Variants in GXYLT1 observed in about 807,000 individuals in gnomAD.
The protein encoded by GXYLT1 is glucoside xylosyltransferase 1, also known as glycosyltransferase 8 domain containing 3.
In GXYLT1, 29 loss-of-function variants were observed where a neutral mutation model predicts 54.0. The observed-to-expected ratio is 0.54, with a 90% CI of 0.40 to 0.73. The LOEUF (loss-of-function observed/expected upper bound fraction) is 0.73, where lower values mean the gene tolerates loss of function less well. Ranked by LOEUF, GXYLT1 falls within the 30% of genes least tolerant of loss-of-function variation. The pLI is 0.00. For synonymous variants in GXYLT1, 176 were observed against 204.1 expected, an observed-to-expected ratio of 0.86 and a Z score of 1.17; for missense variants, 490 against 553.4, an observed-to-expected ratio of 0.89 and a Z score of 1.15.
intron 3 of GXYLT1, among the ~76,000 whole-genome samples, chr12:42,112,025 AG>A (rs2065460392): frequency 6.6e-6 from 1 of 152,200 alleles, no homozygotes; most frequent in African/African-American, 2.4e-5. Context: ...CCAGGCAAAC[AG>A]GGTCTGGAGT....
rs1033726244 is a variant in GXYLT1 at position 42,082,651 on chromosome 12, T to A, written c.*5135A>T. On this transcript the variant is annotated 3_prime_UTR_variant, in exon 8 of 8. Transcript: ENST00000398675. ...ACACCACCACATCTGGATAATTTTT[T>A]AATTTTTTTGTAGAGATGGGGTCTC... 2.0e-5 allele frequency: 3 copies of A among 152,162 alleles called. No homozygotes were observed. Among genetic ancestry groups the A allele is most frequent in the East Asian group, 1.9e-4 (1 of 5,194 alleles). The allele number at this position is 152,162 out of a possible 1,614,324, so 9.4% of individuals were successfully genotyped here.
intron 2 of GXYLT1, among the ~76,000 whole-genome samples, chr12:42,124,475 A>G (rs1315400077): frequency 6.6e-5 from 10 of 152,176 alleles, no homozygotes; most frequent in Non-Finnish European, 1.5e-4. Context: ...AATTCAATAG[A>G]TAACTATCAA....
rs1251247821 is a variant in GXYLT1 at position 42,085,627 on chromosome 12, T to G, written c.*2159A>C. On this transcript the variant is annotated 3_prime_UTR_variant, in exon 8 of 8. Coordinates refer to ENST00000398675, the MANE Select transcript of GXYLT1 (RefSeq NM_173601.2). ...CAAAGTAGCTAACATCAAAGTCATC[T>G]GAGGTGATTGTTAAAAACGAAATCA... 2.6e-5 allele frequency: 4 copies of G among 152,242 alleles called. No individual in the cohort carries two copies. Among genetic ancestry groups the G allele is most frequent in the Non-Finnish European group, 5.9e-5 (4 of 68,046 alleles). 9.4% of individuals were successfully genotyped at this position (152,242 alleles called of 1,614,324 possible). A position where few individuals can be genotyped will look rare whatever the true frequency, so the allele number is the denominator to read the frequency against.
intron 1 of GXYLT1, among the ~76,000 whole-genome samples, chr12:42,130,401 G>A (rs919976434): frequency 4.6e-5 from 7 of 151,932 alleles, no homozygotes; most frequent in South Asian, 2.1e-4. Context: ...TCAGGGAAAC[G>A]CACATTAAAA....
intron 5 of GXYLT1, 84 bp from the exon 6 acceptor site, chr12:42,098,117 C>A: frequency 1.6e-6 from 2 of 1,243,884 alleles, no homozygotes; most frequent in Non-Finnish European, 2.3e-6. Context: ...CTTCCCACAG[C>A]AACCATTACA....
At chr12:42,098,563 AAT>A (rs955981854) in intron 5 of GXYLT1, among the ~76,000 whole-genome samples, 4 of 151,772 alleles carry the variant, frequency 2.6e-5, no homozygotes, top group Non-Finnish European at 4.4e-5. Flanking sequence ...ACTAAAAAAC[AAT>A]ATGATTGACA....
intron 3 of GXYLT1, among the ~76,000 whole-genome samples, chr12:42,115,889 G>A: frequency 8.0e-6 from 1 of 125,146 alleles, no homozygotes; most frequent in Non-Finnish European, 1.8e-5. Context: ...ATACTACAAG[G>A]CTACAATAAC....
chr12:42,106,738 T>TTTTTC, intron 4 of GXYLT1, among the ~76,000 whole-genome samples: 2 of 149,608 alleles, frequency 1.3e-5, no homozygotes, highest in East Asian at 1.9e-4. Flanking sequence ...ATTATTATTA[T>TTTTTC]TTTTCTTTTT....
intron 3 of GXYLT1, among the ~76,000 whole-genome samples, chr12:42,115,708 A>G (rs1265609701): frequency 2.6e-5 from 4 of 151,956 alleles, no homozygotes; most frequent in South Asian, 2.1e-4. Flanking sequence ...ATACTGCCCA[A>G]GGTAATTTAT....
At position 42,139,892 on chromosome 12, in the gene GXYLT1, G is replaced by A. The variant is rs558697320; in HGVS notation, c.221+4534C>T. ...TCAAACATAACTGCAGAAAAAAGGG[G>A]GGAAAAGGGCTGGGCACGGTGGCTA... On this transcript the variant is annotated intron_variant, in intron 1 of 7. Coordinates refer to ENST00000398675, the MANE Select transcript of GXYLT1 (RefSeq NM_173601.2). Among the ~76,000 whole-genome samples, 5 of 152,182 alleles carry A rather than the reference G, an allele frequency of 3.3e-5. No homozygotes were observed. The South Asian group carries it at 1.0e-3, about 32-fold the overall frequency.
At position 42,097,947 on chromosome 12, in the gene GXYLT1, A is replaced by C; in HGVS notation, c.951T>G (p.Asp317Glu). 3.1e-6 allele frequency: 5 copies of C among 1,602,876 alleles called. No homozygotes were observed. Among genetic ancestry groups the C allele is most frequent in the Non-Finnish European group, 4.3e-6 (5 of 1,171,212 alleles). The change falls in exon 6 of 8, where the codon GAT (aspartate) becomes GAG (glutamate). Residue 317 changes from aspartate to glutamate, a missense_variant. Physicochemically the swap from Asp to Glu is conservative, Grantham distance 45 (BLOSUM62 2). Around this residue, in one of 2 missense-constraint regions of GXYLT1, gnomAD observed 342 missense variants for 342.6 expected, o/e 1.00. Transcript: ENST00000398675. ...KKYKLNITWG[D>E]QDLLNIVFFH... ...AAAACACGATATTCAATAGATCTTG[A>C]TCACCCCATGTGATGTTTAGTTTGT...
chr12:42,098,660 C>A (rs1031024336), intron 5 of GXYLT1, among the ~76,000 whole-genome samples: 11 of 150,344 alleles, frequency 7.3e-5, no homozygotes, highest in South Asian at 4.2e-4. Flanking sequence ...GTAAAAAATT[C>A]TCACAGAGAA....
chr12:42,144,837 C>A lies in GXYLT1; in HGVS notation c.-191G>T. The A allele has an allele frequency of 2.7e-6, 1 of 371,078 alleles. No homozygotes were observed. The highest frequency in any genetic ancestry group is 4.3e-5 in the East Asian group (1 of 23,314). The allele number at this position is 371,078 out of a possible 1,614,324, so 23.0% of individuals were successfully genotyped here. ...GCGAGCGCAGTCGCGGCTCCGGAGCCGAAGGACTACCCGCCCGGAAGCCTG... is the reference window on the plus strand; with the variant it reads ...GCGAGCGCAGTCGCGGCTCCGGAGCAGAAGGACTACCCGCCCGGAAGCCTG... On this transcript the variant is annotated 5_prime_UTR_variant, in exon 1 of 8. Coordinates refer to ENST00000398675, the MANE Select transcript of GXYLT1 (RefSeq NM_173601.2).
intron 6 of GXYLT1, 82 bp from the exon 7 acceptor site, chr12:42,097,696 A>C: frequency 7.8e-7 from 1 of 1,276,176 alleles, no homozygotes; most frequent in Non-Finnish European, 1.1e-6. Flanking sequence ...TCAGTTAAAA[A>C]ATACAGCTCT....
chr12:42,135,733 T>C (rs2065616099), intron 1 of GXYLT1, among the ~76,000 whole-genome samples: 1 of 152,248 alleles, frequency 6.6e-6, no homozygotes, highest in Non-Finnish European at 1.5e-5. Context: ...GATTCCTTTA[T>C]GTAAAATGCC....
At chr12:42,109,309 C>T (rs552639124) in intron 4 of GXYLT1, among the ~76,000 whole-genome samples, 3 of 152,152 alleles carry the variant, frequency 2.0e-5, no homozygotes, top group East Asian at 1.9e-4. Flanking sequence ...AAGAGTTCAC[C>T]GCAACTGAAT....
chr12:42,136,055 T>C (rs745956129), intron 1 of GXYLT1, among the ~76,000 whole-genome samples: 1 of 152,244 alleles, frequency 6.6e-6, no homozygotes, highest in Non-Finnish European at 1.5e-5. Context: ...CACTTAGGTA[T>C]TGCTGTAAGG....
chr12:42,123,143 T>C (rs2065541477), intron 2 of GXYLT1, among the ~76,000 whole-genome samples: 1 of 152,198 alleles, frequency 6.6e-6, no homozygotes, highest in African/African-American at 2.4e-5. Context: ...CTGAGTTGAA[T>C]GCAATGTATG....
At chr12:42,133,791 G>A (rs1160925093) in intron 1 of GXYLT1, among the ~76,000 whole-genome samples, 2 of 152,148 alleles carry the variant, frequency 1.3e-5, no homozygotes, top group African/African-American at 2.4e-5. Context: ...TGTCTAGTGG[G>A]GAGTAACAGA....
Sources: allele counts gnomAD v4.1 joint callset (sites outside exome capture counted in the v4.1 genomes callset), GRCh38; gene constraint gnomAD v4.1.1; regional missense constraint gnomAD v4.1.1; transcripts MANE v1.5; gene names NCBI Gene and HGNC (gene_info 2026-07-23, HGNC 2026-07-21).